DEAF1: variants seen among roughly 807,000 people sequenced by gnomAD.
DEAF1 encodes the protein deformed epidermal autoregulatory factor 1 homolog.
In DEAF1, 53 loss-of-function variants were observed where a neutral mutation model predicts 58.9. That is an observed-to-expected ratio of 0.90 (90% CI 0.72 to 1.13). DEAF1 has a LOEUF of 1.13. Ranked by LOEUF, DEAF1 falls within the 50% of genes most tolerant of loss-of-function variation. The pLI, the probability that DEAF1 is intolerant of heterozygous loss-of-function variation, is 0.00. For missense variants in DEAF1, 685 were observed against 791.4 expected (o/e 0.87, Z 1.61); for synonymous variants, 385 against 340.4 (o/e 1.13, Z -1.44).
At chr11:674,884 C>T (rs1291514506) in intron 9 of DEAF1, 101 bp from the exon 10 acceptor site, 1 of 1,517,172 alleles carries the variant, frequency 6.6e-7, no homozygotes, top group African/African-American at 1.4e-5. Context: ...GTGGCTCACG[C>T]CTGTAATCCC....
chr11:674,640 C>T lies in DEAF1; in HGVS notation c.1399G>A (p.Ala467Thr). The T allele has an allele frequency of 6.2e-7, 1 of 1,614,156 alleles. No individual in the cohort carries two copies. Among genetic ancestry groups the T allele is most frequent in the South Asian group, 1.1e-5 (1 of 91,086 alleles). The change falls in exon 10 of 12, where the codon GCG becomes ACG. Residue 467 changes from alanine to threonine, a missense_variant. By Grantham distance (58) the Ala-to-Thr change is moderately conservative. Coordinates refer to ENST00000382409, the MANE Select transcript of DEAF1 (RefSeq NM_021008.4). Reference protein sequence around the residue: ...EEMVNSLLNTAQQLKTLFEQA... With the variant: ...EEMVNSLLNTTQQLKTLFEQA... ...TCAAACAGCGTCTTCAGCTGCTGCG[C>T]TGTGTTGAGCAAGGAGTTGACCATC...
chr11:697,296 T>C (rs188649201), upstream of DEAF1, among the ~76,000 whole-genome samples: 52 of 152,290 alleles, frequency 3.4e-4, no homozygotes, highest in Admixed American at 2.6e-3. Context: ...TCTTAACACA[T>C]CTTGTCCATT....
At chr11:703,813 G>A (rs1368535438) in intron 1 of DEAF1, 33 of 1,232,940 alleles carry the variant, frequency 2.7e-5, no homozygotes, top group Non-Finnish European at 3.3e-5. Flanking sequence ...CTTCGGAGGA[G>A]AGGTCAGGGC....
intron 1 of DEAF1, chr11:703,756 C>G: frequency 8.1e-7 from 1 of 1,233,040 alleles, no homozygotes; most frequent in Non-Finnish European, 1.0e-6. Flanking sequence ...GCCAACAGCT[C>G]TGCTGCCTAG....
At position 678,736 on chromosome 11, in the gene DEAF1, G is replaced by C. The variant is rs1293568806; in HGVS notation, c.1213C>G (p.Pro405Ala). ...PGYQDSCQIA[P>A]FPEAALPTSH... ...GTTGGCAACGCAGCTTCTGGAAACG[G>C]TGCGATCTGGCAGCTGTCCTGATAG... The change falls in exon 9 of 12, where the codon CCG becomes GCG. Residue 405 changes from proline to alanine, a missense_variant. Transcript: ENST00000382409. 36 of 1,614,184 alleles carry C rather than the reference G, an allele frequency of 2.2e-5. No homozygotes were observed. The highest frequency in any genetic ancestry group is 3.1e-5 in the Non-Finnish European group (36 of 1,180,022).
rs911752105 is a variant in DEAF1 at position 694,976 on chromosome 11, A to C, written c.72T>G (p.Ala24=). The stretch of plus-strand genomic sequence containing the variant: ...CCGCGGCCGCGGCCGCCGCCGCCAC[A>C]GCGGCCGCGGCCGCCACCGCCGCCG... ...AEAAAVAAAA[A]VAAAAAAAAG... is the part of the protein sequence containing the mutation. The change falls in exon 1 of 12, where the codon GCT becomes GCG. Residue 24 remains alanine (A), a synonymous_variant. Transcript: ENST00000382409. The C allele has an allele frequency of 1.7e-5, 17 of 1,013,164 alleles. No individual in the cohort carries two copies. Among genetic ancestry groups the C allele is most frequent in the East Asian group, 6.7e-5 (1 of 14,870 alleles). 62.8% of individuals were successfully genotyped at this position (1,013,164 alleles called of 1,614,324 possible).
At chr11:657,904 G>A (rs1219543849) in intron 10 of DEAF1, among the ~76,000 whole-genome samples, 1 of 152,180 alleles carries the variant, frequency 6.6e-6, no homozygotes, top group African/African-American at 2.4e-5. Context: ...GTCTCCCACA[G>A]GTGGCAGCGG....
At chr11:701,644 C>T (rs1414165862) in intron 1 of DEAF1, among the ~76,000 whole-genome samples, 4 of 152,056 alleles carry the variant, frequency 2.6e-5, no homozygotes, top group Middle Eastern at 3.4e-3. Context: ...CTCCTGACCT[C>T]CTGATCCGCC....
chr11:655,479 T>C (rs1169733079), intron 10 of DEAF1, among the ~76,000 whole-genome samples: 3 of 152,234 alleles, frequency 2.0e-5, no homozygotes, highest in Admixed American at 1.3e-4. Flanking sequence ...AGAAGACCAC[T>C]GGGCCTAGGA....
chr11:703,700 G>A (rs560222327), intron 1 of DEAF1: 51 of 1,232,204 alleles, frequency 4.1e-5, no homozygotes, highest in African/African-American at 3.9e-4. Flanking sequence ...AGGCAGGCCC[G>A]GTGCAAGAGT....
At position 694,985 on chromosome 11, in the gene DEAF1, GGCCGCCACC is replaced by G. The variant is rs1233462974; in HGVS notation, c.54_62del (p.Val19_Ala21del). The G allele has an allele frequency of 7.0e-6, 8 of 1,144,868 alleles. No homozygotes were observed. The highest frequency in any genetic ancestry group is 7.5e-6 in the Non-Finnish European group (7 of 932,092). 70.9% of individuals were successfully genotyped at this position (1,144,868 alleles called of 1,614,324 possible). The stretch of plus-strand genomic sequence containing the variant: ...CGGCCGCCGCCGCCACAGCGGCCGC[GGCCGCCACC>G]GCCGCCGCCTCAGCCAGGCCCAGCT... On this transcript the variant is annotated inframe_deletion, in exon 1 of 12. Coordinates refer to ENST00000382409, the MANE Select transcript of DEAF1 (RefSeq NM_021008.4).
intron 10 of DEAF1, among the ~76,000 whole-genome samples, chr11:669,263 TAATCAATTTA>T (rs1009619934): frequency 6.6e-6 from 1 of 151,692 alleles, no homozygotes; most frequent in African/African-American, 2.4e-5. Context: ...AAATAAATCG[TAATCAATTTA>T]AAAGAACTGA....
intron 10 of DEAF1, 125 bp downstream of exon 10, chr11:674,410 CT>C (rs1449626950): frequency 1.6e-5 from 21 of 1,330,694 alleles, no homozygotes; most frequent in Middle Eastern, 2.5e-4. Flanking sequence ...CCACAGCTCC[CT>C]TTTCCAGAAA....
At chr11:670,794 T>C (rs79592333) in intron 10 of DEAF1, among the ~76,000 whole-genome samples, 1 of 128,898 alleles carries the variant, frequency 7.8e-6, no homozygotes, top group African/African-American at 3.3e-5. Flanking sequence ...TTTTTTTTTT[T>C]TGAGACGAGG....
chr11:682,342 T>A (rs1184417943), intron 6 of DEAF1, among the ~76,000 whole-genome samples: 3 of 152,240 alleles, frequency 2.0e-5, no homozygotes, highest in Non-Finnish European at 4.4e-5. Flanking sequence ...AAGGTCGGTT[T>A]CCCAGATGGG....
intron 9 of DEAF1, among the ~76,000 whole-genome samples, chr11:677,758 G>T (rs28427367): frequency 0.1 from 5,359 of 53,682 alleles, 1,309 homozygotes; most frequent in East Asian, 0.3. Flanking sequence ...TTTGAGACCA[G>T]CCTGACCAGC....
chr11:686,596 A>G (rs1860602472), intron 5 of DEAF1, among the ~76,000 whole-genome samples: 1 of 152,194 alleles, frequency 6.6e-6, no homozygotes, highest in African/African-American at 2.4e-5. Flanking sequence ...TTCTGCAGCT[A>G]TTCTGTGCCA....
Position 688,220 on chromosome 11 carries a change from T to C in DEAF1, c.517+111A>G. The C allele has an allele frequency of 6.6e-7, 1 of 1,516,082 alleles. No homozygotes were observed. The highest frequency in any genetic ancestry group is 8.9e-7 in the Non-Finnish European group (1 of 1,119,574). The allele number at this position is 1,516,082 out of a possible 1,614,324, so 93.9% of individuals were successfully genotyped here. A position where few individuals can be genotyped will look rare whatever the true frequency, so the allele number is the denominator to read the frequency against. ...CTTTTACTTAAAATCTATTAATAGA[T>C]GATATTCCAAATTTACCACAAAAAG... On this transcript the variant is annotated intron_variant, in intron 3 of 11. Transcript: ENST00000382409. This position sits in a 1 kb window ranked among gnomAD's most constrained non-coding sequence, Gnocchi z 4.3.
At chr11:679,975 G>A in intron 7 of DEAF1, 159 bp from the exon 8 acceptor site, 1 of 1,023,242 alleles carries the variant, frequency 9.8e-7, no homozygotes, top group Admixed American at 2.2e-5. Flanking sequence ...GGAAATCCCA[G>A]ACCTTGGAGA....
Sources: gnomAD v4.1 joint callset for allele counts (sites outside exome capture counted in the v4.1 genomes callset) on GRCh38, gnomAD v4.1.1 for gene constraint, Gnocchi (gnomAD v3.1) non-coding constraint, MANE v1.5 for transcripts, NCBI Gene and HGNC (gene_info 2026-07-23, HGNC 2026-07-21) for gene names.